The following MAN2A2 variants were observed in gnomAD, a reference collection of about 807,000 sequenced individuals.
MAN2A2 encodes the protein mannosidase alpha class 2A member 2, also known as alpha-mannosidase 2x.
A neutral mutation model predicts 126.8 loss-of-function variants in MAN2A2; 79 were observed. That is an observed-to-expected ratio of 0.62 (90% CI 0.52 to 0.75). MAN2A2 has a LOEUF of 0.75. Ranked by LOEUF, MAN2A2 falls within the 30% of genes least tolerant of loss-of-function variation. The pLI is 0.00. For synonymous variants in MAN2A2, 671 were observed against 618.7 expected, an observed-to-expected ratio of 1.08 and a Z score of -1.25; for missense variants, 1,392 against 1,522.4, an observed-to-expected ratio of 0.91 and a Z score of 1.43.
intron 20 of MAN2A2, chr15:90,916,736 G>A (rs1432590940): frequency 9.2e-6 from 10 of 1,089,578 alleles, no homozygotes; most frequent in East Asian, 5.8e-5. Context: ...GACAGAGCCC[G>A]CCACTCAGTC....
chr15:90,903,913 C>T (rs1209801880), intron 1 of MAN2A2: 1 of 454,176 alleles, frequency 2.2e-6, no homozygotes, highest in African/African-American at 2.0e-5. Flanking sequence ...GCTGTGTAAT[C>T]AGGAGCTTGT....
rs1371097382 is a variant in MAN2A2 at position 90,921,906 on chromosome 15, G to T, written c.*2119G>T. Reference sequence around the variant, plus strand: ...CATGCCACTGCACTCCAGCCTGGGTGACACAGCCAAAAAAAAAACCACTAA... The same window carrying T: ...CATGCCACTGCACTCCAGCCTGGGTTACACAGCCAAAAAAAAAACCACTAA... On this transcript the variant is annotated 3_prime_UTR_variant, in exon 23 of 23. Transcript: ENST00000559717. 1 of 150,234 alleles carries T rather than the reference G, an allele frequency of 6.7e-6. No homozygotes were observed. The highest frequency in any genetic ancestry group is 1.5e-5 in the Non-Finnish European group (1 of 67,512). 9.3% of individuals were successfully genotyped at this position (150,234 alleles called of 1,614,324 possible). A position where few individuals can be genotyped will look rare whatever the true frequency, so the allele number is the denominator to read the frequency against.
rs2033996245 is a variant in MAN2A2, at chr15:90,903,405, A to G, written c.-46A>G. On this transcript the variant is annotated 5_prime_UTR_variant, in exon 1 of 23. Coordinates refer to ENST00000559717, the MANE Select transcript of MAN2A2 (RefSeq NM_006122.4). Reference sequence around the variant, plus strand: ...CGGTCCCGCCCACGCTCGGCTCCGCAGTTAGCGTCCTCCTTCCTCCTGAGC... The same window carrying G: ...CGGTCCCGCCCACGCTCGGCTCCGCGGTTAGCGTCCTCCTTCCTCCTGAGC... 1 of 152,708 alleles carries G rather than the reference A, an allele frequency of 6.5e-6. No homozygotes were observed. The allele number at this position is 152,708 out of a possible 1,614,324, so 9.5% of individuals were successfully genotyped here.
chr15:90,917,483 C>T (rs374290034), intron 20 of MAN2A2, among the ~76,000 whole-genome samples: 38 of 152,260 alleles, frequency 2.5e-4, no homozygotes, highest in African/African-American at 7.9e-4. Flanking sequence ...AGGGTGACAG[C>T]GGGAGGCTGT....
Position 90,905,504 on chromosome 15 carries a change from T to C in MAN2A2, c.386T>C (p.Leu129Pro), listed in dbSNP as rs1277256532. 1 of 1,614,104 alleles carries C rather than the reference T, an allele frequency of 6.2e-7. No homozygotes were observed. The highest frequency in any genetic ancestry group is 1.7e-5 in the Admixed American group (1 of 60,028). Residue 129 changes from leucine (L) to proline (P), a missense_variant, in exon 3 of 23, where the codon CTG becomes CCG. By Grantham distance (98) the Leu-to-Pro change is moderately conservative. Transcript: ENST00000559717. Reference protein sequence around the residue: ...ALGGRGQKPELQMLTVSEELP... With the variant: ...ALGGRGQKPEPQMLTVSEELP... ...GGGGGCCGGGGTCAGAAGCCAGAGC[T>C]GCAGGTAAGAGTCAGAGCTGGCAGG...
At chr15:90,906,078 T>TTA in intron 5 of MAN2A2, 62 bp downstream of exon 5, 3 of 1,602,960 alleles carry the variant, frequency 1.9e-6, no homozygotes, top group African/African-American at 1.3e-5. Context: ...GGTGGACGGG[T>TTA]CTTACCTTAA....
rs866654925 is a variant in MAN2A2 at position 90,909,348 on chromosome 15, A to G, written c.1218A>G (p.Gln406=). The change falls in exon 9 of 23, where the codon CAA becomes CAG. Residue 406 remains glutamine (Q), a synonymous_variant. Coordinates refer to ENST00000559717, the MANE Select transcript of MAN2A2 (RefSeq NM_006122.4). ...CCAGGGCAGCCCTGCTTCTGGACCA[A>G]TACCGGAAGAAGTCCCAGCTGTTCC... ...VAERAALLLD[Q]YRKKSQLFRS... is the part of the protein sequence containing the mutation. 1 of 1,613,132 alleles carries G rather than the reference A, an allele frequency of 6.2e-7. No homozygotes were observed.
chr15:90,907,462 C>T lies in MAN2A2; in HGVS notation c.1163C>T (p.Pro388Leu). Residue 388 changes from proline (P) to leucine (L), a missense_variant, in exon 8 of 23, where the codon CCC becomes CTC. Physicochemically the swap from Pro to Leu is moderately conservative, Grantham distance 98. Transcript: ENST00000559717. ...GRINCPWKVPPRAITEANVAE... is the reference protein window; with the variant it reads ...GRINCPWKVPLRAITEANVAE... ...ATCAACTGCCCTTGGAAGGTGCCACCCCGGGCCATCACAGAGGCCAACGTG... is the reference window on the plus strand; with the variant it reads ...ATCAACTGCCCTTGGAAGGTGCCACTCCGGGCCATCACAGAGGCCAACGTG... 1.2e-6 allele frequency: 2 copies of T among 1,613,390 alleles called. No individual in the cohort carries two copies. Among genetic ancestry groups the T allele is most frequent in the Non-Finnish European group, 1.7e-6 (2 of 1,180,014 alleles).
chr15:90,904,320 A>G lies in MAN2A2; in HGVS notation c.113A>G (p.Asn38Ser), dbSNP rs2034075114. The change falls in exon 2 of 23, where the codon AAT becomes AGT. Residue 38 changes from asparagine to serine, a missense_variant. Asn to Ser is a conservative substitution (Grantham distance 46). Coordinates refer to ENST00000559717, the MANE Select transcript of MAN2A2 (RefSeq NM_006122.4). The stretch of plus-strand genomic sequence containing the variant: ...CAACACGATCCCACCCGACACCAGA[A>G]TGGTGGGAACTTCCCCCGGGTGAGT... Reference protein sequence around the residue: ...RVQHDPTRHQNGGNFPRSQIS... With the variant: ...RVQHDPTRHQSGGNFPRSQIS... 2 of 1,613,946 alleles carry G rather than the reference A, an allele frequency of 1.2e-6. No individual in the cohort carries two copies. Among genetic ancestry groups the G allele is most frequent in the African/African-American group, 2.7e-5 (2 of 74,930 alleles).
chr15:90,906,990 C>A, intron 7 of MAN2A2, 77 bp downstream of exon 7: 3 of 1,532,752 alleles, frequency 2.0e-6, no homozygotes, highest in Non-Finnish European at 2.7e-6. Context: ...AGAACTAAGA[C>A]CCCCACTGTT....
At position 90,913,471 on chromosome 15, in the gene MAN2A2, G is replaced by GGGGGCATGA; in HGVS notation, c.2718+65_2718+66insGGGGCATGA. On this transcript the variant is annotated intron_variant, in intron 18 of 22. Coordinates refer to ENST00000559717, the MANE Select transcript of MAN2A2 (RefSeq NM_006122.4). The stretch of plus-strand genomic sequence containing the variant: ...GAACTTGGACTCTGCTTTTGCCCCT[G>GGGGGCATGA]TCACAGGCCCTGGGGGATGATCTGC... 3 of 1,580,110 alleles carry GGGGGCATGA rather than the reference G, an allele frequency of 1.9e-6. No homozygotes were observed. The South Asian group carries it at 3.4e-5, about 18-fold the overall frequency.
chr15:90,913,487 G>T, intron 18 of MAN2A2, 81 bp downstream of exon 18: 1 of 1,577,100 alleles, frequency 6.3e-7, no homozygotes, highest in Non-Finnish European at 8.7e-7. Flanking sequence ...GGCCCTGGGG[G>T]ATGATCTGCC....
rs959102495 is a variant in MAN2A2 at position 90,913,814 on chromosome 15, C to T, written c.2860+59C>T. Reference sequence around the variant, plus strand: ...CAGACAAAAAGAAGCCCGTCCCCACCCTCAAGGGCTCCCCGCTCTGTTGGC... The same window carrying T: ...CAGACAAAAAGAAGCCCGTCCCCACTCTCAAGGGCTCCCCGCTCTGTTGGC... On this transcript the variant is annotated intron_variant, in intron 19 of 22. Transcript: ENST00000559717. 23 of 1,515,126 alleles carry T rather than the reference C, an allele frequency of 1.5e-5. No homozygotes were observed. The African/African-American group carries it at 3.1e-4, about 20-fold the overall frequency. The allele number at this position is 1,515,126 out of a possible 1,614,324, so 93.9% of individuals were successfully genotyped here. A position where few individuals can be genotyped will look rare whatever the true frequency, so the allele number is the denominator to read the frequency against.
chr15:90,918,270 T>G lies in MAN2A2; in HGVS notation c.3071T>G (p.Leu1024Arg). 6.2e-7 allele frequency: 1 copy of G among 1,614,158 alleles called. No individual in the cohort carries two copies. Among genetic ancestry groups the G allele is most frequent in the Non-Finnish European group, 8.5e-7 (1 of 1,180,018 alleles). Residue 1024 changes from leucine to arginine, a missense_variant, in exon 21 of 23, where the codon CTC (leucine) becomes CGC (arginine). Leu to Arg is a moderately radical substitution (Grantham distance 102, BLOSUM62 -2). Coordinates refer to ENST00000559717, the MANE Select transcript of MAN2A2 (RefSeq NM_006122.4). ...TCCATGTACCTGAACGCCCCGGCGCTCGCTCTGCCTGTAGCCAGGATGCAG... is the reference window on the plus strand; with the variant it reads ...TCCATGTACCTGAACGCCCCGGCGCGCGCTCTGCCTGTAGCCAGGATGCAG... ...LTSMYLNAPALALPVARMQLP... is the reference protein window; with the variant it reads ...LTSMYLNAPARALPVARMQLP...
At chr15:90,909,236 C>A in intron 8 of MAN2A2, 91 bp from the exon 9 acceptor site, 1 of 1,327,694 alleles carries the variant, frequency 7.5e-7, no homozygotes, top group Non-Finnish European at 1.0e-6. Context: ...GATGGGATGT[C>A]TTCTAGGGGC....
intron 6 of MAN2A2, 120 bp downstream of exon 6, chr15:90,906,617 C>T (rs1283642182): frequency 9.6e-6 from 15 of 1,561,650 alleles, no homozygotes; most frequent in Middle Eastern, 1.8e-4. Flanking sequence ...CCATGTGGGC[C>T]TGGTGTGATA....
In MAN2A2 at chr15:90,913,344, C is replaced by T; in HGVS notation, c.2656C>T (p.Leu886=). 1.2e-6 allele frequency: 2 copies of T among 1,611,406 alleles called. No homozygotes were observed. Among genetic ancestry groups the T allele is most frequent in the East Asian group, 2.2e-5 (1 of 44,876 alleles). The part of the protein sequence containing the change: ...IRDYVNKELA[L]HIHTDIDSQG... ...GGACTACGTCAACAAGGAGCTGGCC[C>T]TGCACATCCATACAGACATCGACAG... The change falls in exon 18 of 23, where the codon CTG becomes TTG. Residue 886 remains leucine (L), a synonymous_variant. Transcript: ENST00000559717.
intron 16 of MAN2A2, 47 bp downstream of exon 16, chr15:90,912,711 G>T: frequency 6.2e-7 from 1 of 1,611,524 alleles, no homozygotes; most frequent in Non-Finnish European, 8.5e-7. Flanking sequence ...GGCAGGAGGG[G>T]GCACAGGCCT....
In MAN2A2 at chr15:90,913,350, A is replaced by C. The variant is rs1322997383; in HGVS notation, c.2662A>C (p.Ile888Leu). The C allele has an allele frequency of 6.2e-7, 1 of 1,609,218 alleles. No individual in the cohort carries two copies. The highest frequency in any genetic ancestry group is 1.7e-5 in the Admixed American group (1 of 59,988). ...DYVNKELALH[I>L]HTDIDSQGIF... ...CGTCAACAAGGAGCTGGCCCTGCAC[A>C]TCCATACAGACATCGACAGCCAGGG... is the stretch of plus-strand genomic sequence containing the variant. Residue 888 changes from isoleucine to leucine, a missense_variant, in exon 18 of 23, where the codon ATC (isoleucine) becomes CTC (leucine). Coordinates refer to ENST00000559717, the MANE Select transcript of MAN2A2 (RefSeq NM_006122.4).
Sources: allele counts gnomAD v4.1 joint callset (sites outside exome capture counted in the v4.1 genomes callset), GRCh38; gene constraint gnomAD v4.1.1; transcripts MANE v1.5; gene names NCBI Gene and HGNC (gene_info 2026-07-23, HGNC 2026-07-21).